Variants in PLD5 observed in about 807,000 individuals in gnomAD.
PLD5 encodes the protein phospholipase D family member 5.
Under a neutral mutation model 61.1 loss-of-function variants are expected in PLD5, and 36 were observed. The ratio of observed to expected loss-of-function variants is 0.59; its 90% CI spans 0.45 to 0.78. The LOEUF is 0.78. Among genes scored for constraint, PLD5 ranks in the 30% least tolerant of loss-of-function variants. The pLI, the probability that PLD5 is intolerant of heterozygous loss-of-function variation, is 0.00. For missense variants in PLD5, 515 were observed against 644.4 expected (o/e 0.80, Z 2.17); for synonymous variants, 243 against 242.8 (o/e 1.00, Z -0.01).
chr1:242,289,658 T>A (rs1034992818), intron 2 of PLD5, among the ~76,000 whole-genome samples: 1 of 152,192 alleles, frequency 6.6e-6, no homozygotes. Flanking sequence ...CCCAGCCTCC[T>A]GCAATTCTTG....
At position 242,468,794 on chromosome 1, in the gene PLD5, A is replaced by C. The variant is rs1667354638; in HGVS notation, c.189+55294T>G. On this transcript the variant is annotated intron_variant, in intron 1 of 9. Coordinates refer to ENST00000536534, the MANE Select transcript of PLD5 (RefSeq NM_001372062.1). ...ATTTCACAAAATAATAATAGCAATA[A>C]CAACCACAGCAAACACTTCCATAAT... Among the ~76,000 whole-genome samples, 3 of 152,204 alleles carry C rather than the reference A, an allele frequency of 2.0e-5. 1 individual carries two copies. Among genetic ancestry groups the C allele is most frequent in the Admixed American group, 2.0e-4 (3 of 15,276 alleles).
chr1:242,130,010 A>G (rs1298957218), intron 5 of PLD5, among the ~76,000 whole-genome samples: 2 of 151,568 alleles, frequency 1.3e-5, no homozygotes, highest in Non-Finnish European at 2.9e-5. Context: ...TCCATTGTGT[A>G]TATATACCAC....
At chr1:242,445,658 C>T (rs1666498669) in intron 1 of PLD5, among the ~76,000 whole-genome samples, 1 of 152,092 alleles carries the variant, frequency 6.6e-6, no homozygotes, top group Non-Finnish European at 1.5e-5. Context: ...TGTTGCTTTT[C>T]TGTTATCCAG....
At chr1:242,108,098 G>A (rs1242637059) in intron 7 of PLD5, among the ~76,000 whole-genome samples, 5 of 152,066 alleles carry the variant, frequency 3.3e-5, no homozygotes, top group Admixed American at 2.0e-4. Flanking sequence ...CTGGGGTGAG[G>A]ACAGGCTGAC....
Position 242,524,441 on chromosome 1 carries a change from G to A in PLD5, c.-165C>T. On this transcript the variant is annotated 5_prime_UTR_variant, in exon 1 of 10. Coordinates refer to ENST00000536534, the MANE Select transcript of PLD5 (RefSeq NM_001372062.1). Reference sequence around the variant, plus strand: ...GCGGGCGCGGGGAGCGCGGGGTGCTGAGCGCCAGCTGGGAGCGCGGCCGGG... The same window carrying A: ...GCGGGCGCGGGGAGCGCGGGGTGCTAAGCGCCAGCTGGGAGCGCGGCCGGG... 1 of 607,340 alleles carries A rather than the reference G, an allele frequency of 1.6e-6. No individual in the cohort carries two copies. The highest frequency in any genetic ancestry group is 2.4e-6 in the Non-Finnish European group (1 of 424,428). The allele number at this position is 607,340 out of a possible 1,614,324, so 37.6% of individuals were successfully genotyped here. A position where few individuals can be genotyped will look rare whatever the true frequency, so the allele number is the denominator to read the frequency against.
At chr1:242,132,201 G>GGGGGC (rs1553305621) in intron 5 of PLD5, among the ~76,000 whole-genome samples, 1 of 85,884 alleles carries the variant, frequency 1.2e-5, no homozygotes, top group African/African-American at 4.3e-5. Context: ...GCGGGGGGGG[G>GGGGGC]GGGGGGCGGA....
chr1:242,402,759 A>G (rs560714207), intron 1 of PLD5, among the ~76,000 whole-genome samples: 1 of 152,328 alleles, frequency 6.6e-6, no homozygotes, highest in East Asian at 1.9e-4. Context: ...TTAAAAGTGA[A>G]AAACAGCACT....
At chr1:242,303,491 C>A (rs1476891513) in intron 2 of PLD5, among the ~76,000 whole-genome samples, 1 of 152,208 alleles carries the variant, frequency 6.6e-6, no homozygotes, top group East Asian at 1.9e-4. Context: ...TTTTCTAAAA[C>A]TGAAATTATG....
chr1:242,298,790 T>C (rs971859429), intron 2 of PLD5, among the ~76,000 whole-genome samples: 2 of 152,156 alleles, frequency 1.3e-5, no homozygotes, highest in African/African-American at 4.8e-5. Flanking sequence ...AAAACTGTGG[T>C]GACAGAAGGG....
chr1:242,381,575 C>T (rs1254757865), intron 1 of PLD5, among the ~76,000 whole-genome samples: 1 of 152,172 alleles, frequency 6.6e-6, no homozygotes, highest in Non-Finnish European at 1.5e-5. Context: ...ACTTTAAAAC[C>T]ATGGGTTCCC....
At chr1:242,222,229 C>T (rs921692772) in intron 4 of PLD5, among the ~76,000 whole-genome samples, 6 of 152,074 alleles carry the variant, frequency 3.9e-5, no homozygotes, top group African/African-American at 7.2e-5. Context: ...CTGTAAAATC[C>T]CCATTTTCAA....
At chr1:242,353,303 C>A (rs374427778) in intron 1 of PLD5, among the ~76,000 whole-genome samples, 1 of 152,002 alleles carries the variant, frequency 6.6e-6, no homozygotes, top group Non-Finnish European at 1.5e-5. Context: ...ATTCTTAGCA[C>A]CTTTGTCAAA....
chr1:242,498,855 A>G (rs1206047694), intron 1 of PLD5, among the ~76,000 whole-genome samples: 1 of 152,246 alleles, frequency 6.6e-6, no homozygotes, highest in Admixed American at 6.5e-5. Flanking sequence ...TGTCTAATAA[A>G]TAAGTTAAAG....
intron 5 of PLD5, among the ~76,000 whole-genome samples, chr1:242,197,504 G>A (rs1668706936): frequency 6.6e-6 from 1 of 152,054 alleles, no homozygotes; most frequent in South Asian, 2.1e-4. Flanking sequence ...CTTCACCTCT[G>A]TGCAAAGGAA....
intron 1 of PLD5, among the ~76,000 whole-genome samples, chr1:242,355,879 T>C (rs1265477832): frequency 6.6e-6 from 1 of 152,226 alleles, no homozygotes; most frequent in Admixed American, 6.5e-5. Flanking sequence ...TTAATTTCAT[T>C]GAGTTTTCTG....
At chr1:242,428,974 C>T (rs1440451148) in intron 1 of PLD5, among the ~76,000 whole-genome samples, 2 of 152,206 alleles carry the variant, frequency 1.3e-5, no homozygotes, top group Non-Finnish European at 2.9e-5. Context: ...CTGTCTCAGG[C>T]ACAGACCGTC....
intron 1 of PLD5, among the ~76,000 whole-genome samples, chr1:242,405,492 G>A (rs1287896968): frequency 6.6e-6 from 1 of 152,028 alleles, no homozygotes; most frequent in Non-Finnish European, 1.5e-5. Flanking sequence ...TTCCACATCT[G>A]GTCCTGCCCA....
intron 5 of PLD5, among the ~76,000 whole-genome samples, chr1:242,206,703 A>G (rs1309167374): frequency 6.6e-6 from 1 of 152,226 alleles, no homozygotes; most frequent in Non-Finnish European, 1.5e-5. Flanking sequence ...GTGGATCATC[A>G]TAAAGATCTT....
chr1:242,346,261 G>A (rs1372583545), intron 2 of PLD5, among the ~76,000 whole-genome samples: 1 of 151,758 alleles, frequency 6.6e-6, no homozygotes, highest in East Asian at 1.9e-4. Flanking sequence ...GCAAATTTTA[G>A]CTTCCTCCAA....
Sources: allele counts gnomAD v4.1 joint callset (sites outside exome capture counted in the v4.1 genomes callset), GRCh38; gene constraint gnomAD v4.1.1; transcripts MANE v1.5; gene names NCBI Gene and HGNC (gene_info 2026-07-23, HGNC 2026-07-21).